Variants in NBEA observed in about 807,000 individuals in gnomAD.
The protein encoded by NBEA is lysosomal-trafficking regulator 2.
Under a neutral mutation model 343.4 loss-of-function variants are expected in NBEA, and 44 were observed. The observed-to-expected ratio is 0.13, with a 90% CI of 0.10 to 0.16. The LOEUF is 0.16. Among genes scored for constraint, NBEA ranks in the 10% least tolerant of loss-of-function variants. The probability of loss-of-function intolerance (pLI) is 1.00; values close to 1 mark genes in which losing one functional copy is unlikely to be tolerated. For synonymous variants in NBEA, 1,175 were observed against 1,238.7 expected, an observed-to-expected ratio of 0.95 and a Z score of 1.08; for missense variants, 2,555 against 3,631.3, an observed-to-expected ratio of 0.70 and a Z score of 7.62.
chr13:35,629,589 A>G (rs1356539371), intron 49 of NBEA, among the ~76,000 whole-genome samples: 3 of 152,222 alleles, frequency 2.0e-5, no homozygotes, highest in Non-Finnish European at 4.4e-5. Context: ...CCTGAAGCCA[A>G]GAGAAAAACA....
chr13:35,603,037 A>T (rs923926695), intron 47 of NBEA, among the ~76,000 whole-genome samples: 3 of 152,206 alleles, frequency 2.0e-5, no homozygotes, highest in African/African-American at 7.2e-5. Context: ...TGAGCCTTTT[A>T]AATGTAACTT....
rs756773268 is a variant in NBEA at position 35,196,244 on chromosome 13, C to G, written c.5308C>G (p.Pro1770Ala). Reference sequence around the variant, plus strand: ...CCCTGAACCTATCCCATACCCAGATCCAGCATTGAAGAGAGAAACACAAGC... The same window carrying G: ...CCCTGAACCTATCCCATACCCAGATGCAGCATTGAAGAGAGAAACACAAGC... ...CGPEPIPYPD[P>A]ALKRETQAIL... The change falls in exon 31 of 59, where the codon CCA becomes GCA. Residue 1770 changes from proline (P) to alanine (A), a missense_variant. Around this residue, in one of 21 missense-constraint regions of NBEA, gnomAD observed 270 missense variants for 293.3 expected, o/e 0.92. Coordinates refer to ENST00000379939, the MANE Select transcript of NBEA (RefSeq NM_001385012.1). 5.0e-5 allele frequency: 80 copies of G among 1,613,396 alleles called. No individual in the cohort carries two copies. Among genetic ancestry groups the G allele is most frequent in the Admixed American group, 1.7e-4 (10 of 59,958 alleles).
intron 3 of NBEA, 124 bp downstream of exon 3, chr13:35,045,171 T>G (rs2062803730): frequency 1.7e-6 from 2 of 1,199,786 alleles, no homozygotes; most frequent in Admixed American, 5.4e-5. Flanking sequence ...CTTAAATGAT[T>G]TAGTAAATGT....
chr13:35,311,271 C>T (rs1489153591), intron 36 of NBEA, among the ~76,000 whole-genome samples: 1 of 151,716 alleles, frequency 6.6e-6, no homozygotes, highest in African/African-American at 2.4e-5. Flanking sequence ...TTAGAAATAA[C>T]TCTCAATGAC....
chr13:35,197,420 G>T (rs757151888), intron 31 of NBEA, among the ~76,000 whole-genome samples: 1 of 152,042 alleles, frequency 6.6e-6, no homozygotes, highest in Non-Finnish European at 1.5e-5. Context: ...ATTCCATATT[G>T]CTTTCTCTAA....
intron 1 of NBEA, among the ~76,000 whole-genome samples, chr13:35,020,087 A>G (rs1349887758): frequency 6.6e-6 from 1 of 151,924 alleles, no homozygotes; most frequent in Non-Finnish European, 1.5e-5. Context: ...ATAGTTTCTT[A>G]ATGTGGAACC....
intron 36 of NBEA, among the ~76,000 whole-genome samples, chr13:35,325,220 A>T (rs2038458047): frequency 6.6e-6 from 1 of 152,086 alleles, no homozygotes; most frequent in Non-Finnish European, 1.5e-5. Flanking sequence ...AGATTTCCGT[A>T]TTCATAGACC....
At chr13:35,000,204 T>C (rs1337861269) in intron 1 of NBEA, among the ~76,000 whole-genome samples, 2 of 152,044 alleles carry the variant, frequency 1.3e-5, no homozygotes, top group African/African-American at 4.8e-5. Context: ...TATTAATGGA[T>C]ATACTCTAGC....
chr13:35,381,081 G>A (rs1194888017), intron 38 of NBEA, among the ~76,000 whole-genome samples: 1 of 151,876 alleles, frequency 6.6e-6, no homozygotes, highest in Non-Finnish European at 1.5e-5. Flanking sequence ...AATTGAATGT[G>A]GTTATAATAT....
chr13:35,593,232 C>A, intron 46 of NBEA, 96 bp from the exon 47 acceptor site: 1 of 1,387,296 alleles, frequency 7.2e-7, no homozygotes, highest in Non-Finnish European at 9.8e-7. Context: ...TCTGCCTCCA[C>A]ATCTTGAAGG....
At chr13:35,098,200 A>G in intron 10 of NBEA, 97 bp from the exon 11 acceptor site, 1 of 767,142 alleles carries the variant, frequency 1.3e-6, no homozygotes, top group South Asian at 1.8e-5. Flanking sequence ...TGAGATTTGA[A>G]TATGGTTATC....
At chr13:35,652,354 A>G (rs1221918867) in intron 53 of NBEA, among the ~76,000 whole-genome samples, 1 of 151,746 alleles carries the variant, frequency 6.6e-6, no homozygotes, top group Non-Finnish European at 1.5e-5. Flanking sequence ...AAAAAAAAAA[A>G]AAAGGGCCGG....
intron 38 of NBEA, among the ~76,000 whole-genome samples, chr13:35,427,693 A>G (rs1235542915): frequency 6.6e-6 from 1 of 152,166 alleles, no homozygotes; most frequent in Non-Finnish European, 1.5e-5. Context: ...TGCAGAGGTT[A>G]CTGCTGTCTT....
intron 30 of NBEA, among the ~76,000 whole-genome samples, chr13:35,193,090 CT>C (rs2072317457): frequency 6.6e-6 from 1 of 151,854 alleles, no homozygotes; most frequent in African/African-American, 2.4e-5. Context: ...GTTTTTGTTT[CT>C]GCATTTACAT....
Position 35,300,527 on chromosome 13 carries a change from A to G in NBEA, c.5839-9001A>G, listed in dbSNP as rs142600976. Among the ~76,000 whole-genome samples the G allele has an allele frequency of 7.2e-3, 1,100 of 152,298 alleles. 18 individuals carry two copies. Among genetic ancestry groups the G allele is most frequent in the African/African-American group, 0.025 (1,053 of 41,554 alleles). ...CAATGTTTCATGATTAATAAAAGTA[A>G]CATTAACTGATGAGAAGATGATGTA... On this transcript the variant is annotated intron_variant, in intron 35 of 58. Transcript: ENST00000379939.
At chr13:35,430,914 G>A (rs1480759746) in intron 38 of NBEA, among the ~76,000 whole-genome samples, 2 of 151,990 alleles carry the variant, frequency 1.3e-5, no homozygotes, top group Non-Finnish European at 2.9e-5. Flanking sequence ...TAATTATGAT[G>A]TACAGGAAAA....
At chr13:35,116,539 GC>G (rs1331307955) in intron 13 of NBEA, among the ~76,000 whole-genome samples, 1 of 151,946 alleles carries the variant, frequency 6.6e-6, no homozygotes, top group African/African-American at 2.4e-5. Context: ...ATTATAATAG[GC>G]GGGATGGATT....
At chr13:35,430,035 C>T (rs1283202543) in intron 38 of NBEA, among the ~76,000 whole-genome samples, 1 of 152,150 alleles carries the variant, frequency 6.6e-6, no homozygotes, top group East Asian at 1.9e-4. Context: ...GAAGGAATCT[C>T]CACACTGTTT....
intron 1 of NBEA, among the ~76,000 whole-genome samples, chr13:34,979,277 C>T (rs370878101): frequency 5.9e-5 from 9 of 152,028 alleles, no homozygotes; most frequent in East Asian, 3.9e-4. Flanking sequence ...CACCTGACTT[C>T]GGGAGGCCAA....
Sources: gnomAD v4.1 joint callset for allele counts (sites outside exome capture counted in the v4.1 genomes callset) on GRCh38, gnomAD v4.1.1 for gene constraint, gnomAD v4.1.1 regional missense constraint, MANE v1.5 for transcripts, NCBI Gene and HGNC (gene_info 2026-07-23, HGNC 2026-07-21) for gene names.